Variants in OSBP2 observed in about 807,000 individuals in gnomAD.
OSBP2 encodes oxysterol-binding protein 2.
Under a neutral mutation model 96.0 loss-of-function variants are expected in OSBP2, and 66 were observed. The observed-to-expected ratio is 0.69, with a 90% CI of 0.56 to 0.84. The LOEUF is 0.84. Ranked by LOEUF, OSBP2 falls within the 40% of genes least tolerant of loss-of-function variation. OSBP2 has a pLI of 0.00. For missense variants in OSBP2, 1,038 were observed against 1,222.7 expected (o/e 0.85, Z 2.25); for synonymous variants, 525 against 520.9 (o/e 1.01, Z -0.11).
chr22:30,844,230 A>G (rs1029235810), intron 2 of OSBP2, among the ~76,000 whole-genome samples: 3 of 152,142 alleles, frequency 2.0e-5, no homozygotes, highest in Non-Finnish European at 2.9e-5. Context: ...AATGAATATT[A>G]GCTTCAACTT....
chr22:30,887,489 T>C lies in OSBP2; in HGVS notation c.1171T>C (p.Tyr391His). The C allele has an allele frequency of 6.8e-6, 11 of 1,613,770 alleles. No individual in the cohort carries two copies. The highest frequency in any genetic ancestry group is 9.3e-6 in the Non-Finnish European group (11 of 1,180,008). The change falls in exon 4 of 14, where the codon TAT (tyrosine) becomes CAT (histidine). Residue 391 changes from tyrosine to histidine, a missense_variant. By Grantham distance (83) the Tyr-to-His change is moderately conservative (BLOSUM62 2). Transcript: ENST00000332585. The stretch of plus-strand genomic sequence containing the variant: ...TCGGAAATGGCAGCGGGCACTGCAG[T>C]ATGAGCAGGAGCAGCGCGTGCACTT... ...HSRKWQRALQ[Y>H]EQEQRVHLEE...
At chr22:30,784,019 G>A (rs1423549328) in intron 2 of OSBP2, among the ~76,000 whole-genome samples, 1 of 152,150 alleles carries the variant, frequency 6.6e-6, no homozygotes, top group Non-Finnish European at 1.5e-5. Context: ...AGCAGGGATG[G>A]CATCTTTACG....
At chr22:30,792,401 T>G (rs1275697798) in intron 2 of OSBP2, among the ~76,000 whole-genome samples, 2 of 152,222 alleles carry the variant, frequency 1.3e-5, no homozygotes, top group East Asian at 3.8e-4. Context: ...ATCCACCATC[T>G]GCAGTATTGT....
At chr22:30,902,196 C>T in intron 12 of OSBP2, 1 of 1,132,694 alleles carries the variant, frequency 8.8e-7, no homozygotes, top group African/African-American at 1.6e-5. Flanking sequence ...TTCCCGTAGC[C>T]AGAAGGAGTC....
chr22:30,720,603 G>A (rs2089532677), intron 1 of OSBP2, among the ~76,000 whole-genome samples: 1 of 152,128 alleles, frequency 6.6e-6, no homozygotes, highest in Non-Finnish European at 1.5e-5. Context: ...AGTGTGGGAG[G>A]AAAACACTAC....
intron 1 of OSBP2, among the ~76,000 whole-genome samples, chr22:30,725,936 C>T (rs866888988): frequency 2.6e-5 from 4 of 151,912 alleles, no homozygotes; most frequent in Admixed American, 6.6e-5. Flanking sequence ...TGCACCACCA[C>T]GCCTGGCTGA....
chr22:30,889,102 T>G (rs2147153855), intron 5 of OSBP2, 75 bp from the exon 6 acceptor site: 3 of 1,320,350 alleles, frequency 2.3e-6, no homozygotes, highest in East Asian at 4.6e-5. Flanking sequence ...TGATGTTGTC[T>G]GGAGAGAGGA....
At position 30,890,389 on chromosome 22, in the gene OSBP2, A is replaced by G. The variant is rs2039918616; in HGVS notation, c.1624-339A>G. ...CACAGACTCATGTGCCCATTCAGTC[A>G]CTGCTTCCTAAGATTCTGCACTCAA... On this transcript the variant is annotated intron_variant, in intron 7 of 13. Coordinates refer to ENST00000332585, the MANE Select transcript of OSBP2 (RefSeq NM_030758.4). This position sits in a 1 kb window ranked among gnomAD's most constrained non-coding sequence, Gnocchi z 4.4. 6.6e-6 allele frequency among the ~76,000 whole-genome samples: 1 copy of G among 152,166 alleles called. No individual in the cohort carries two copies. Among genetic ancestry groups the G allele is most frequent in the South Asian group, 2.1e-4 (1 of 4,820 alleles).
intron 2 of OSBP2, among the ~76,000 whole-genome samples, chr22:30,775,164 G>A (rs530136901): frequency 3.5e-4 from 54 of 152,154 alleles, no homozygotes; most frequent in African/African-American, 1.3e-3. Flanking sequence ...TCACTCCAAA[G>A]GAAACCCTGC....
chr22:30,790,409 A>G (rs2090657337), intron 2 of OSBP2, among the ~76,000 whole-genome samples: 1 of 152,028 alleles, frequency 6.6e-6, no homozygotes, highest in Non-Finnish European at 1.5e-5. Context: ...ATGATCCGTG[A>G]TGGATTTGGA....
At chr22:30,771,696 TTGCAACATGAGATCCATCCACCGCAGA>T in intron 2 of OSBP2, among the ~76,000 whole-genome samples, 1 of 152,222 alleles carries the variant, frequency 6.6e-6, no homozygotes, top group Non-Finnish European at 1.5e-5. Flanking sequence ...GGATATCTGT[TTGCAACATGAGATCCATCCACCGCAGA>T]TGATTTGAAA....
At chr22:30,796,900 T>TA in intron 2 of OSBP2, among the ~76,000 whole-genome samples, 1 of 152,350 alleles carries the variant, frequency 6.6e-6, no homozygotes, top group East Asian at 1.9e-4. Context: ...TTAAATATAT[T>TA]AGTGTTGTTG....
chr22:30,826,694 T>A (rs910155958), intron 2 of OSBP2, among the ~76,000 whole-genome samples: 2 of 152,184 alleles, frequency 1.3e-5, no homozygotes, highest in Non-Finnish European at 2.9e-5. Context: ...TTTGTCTAAC[T>A]GGTGTTTGGA....
chr22:30,859,074 C>A (rs1326853612), intron 2 of OSBP2, among the ~76,000 whole-genome samples: 2 of 152,144 alleles, frequency 1.3e-5, no homozygotes, highest in East Asian at 3.9e-4. Flanking sequence ...AACCCTTTCC[C>A]CGCCAGGGCC....
chr22:30,834,794 G>A (rs2038597705), intron 2 of OSBP2, among the ~76,000 whole-genome samples: 1 of 150,750 alleles, frequency 6.6e-6, no homozygotes, highest in Non-Finnish European at 1.5e-5. Context: ...TCTATGGATT[G>A]TCTTTTCTTT....
intron 2 of OSBP2, among the ~76,000 whole-genome samples, chr22:30,810,744 T>G (rs2090995469): frequency 6.6e-6 from 1 of 152,196 alleles, no homozygotes; most frequent in Admixed American, 6.5e-5. Context: ...GTGCGCCAAA[T>G]GATCCAGCCC....
At chr22:30,841,516 A>T (rs2038752979) in intron 2 of OSBP2, among the ~76,000 whole-genome samples, 1 of 152,224 alleles carries the variant, frequency 6.6e-6, no homozygotes, top group Non-Finnish European at 1.5e-5. Flanking sequence ...TGTACTGTTG[A>T]GTAAGATTCC....
chr22:30,902,382 T>G, intron 12 of OSBP2: 2 of 1,573,342 alleles, frequency 1.3e-6, no homozygotes, highest in South Asian at 2.2e-5. Context: ...GTGGATTCCC[T>G]TAAGGAAGCT....
intron 2 of OSBP2, among the ~76,000 whole-genome samples, chr22:30,842,001 AG>A (rs1347215409): frequency 6.6e-6 from 1 of 152,142 alleles, no homozygotes; most frequent in South Asian, 2.1e-4. Context: ...GCTGGAGTGC[AG>A]TGGAGAGGTC....
Sources: allele counts gnomAD v4.1 joint callset (sites outside exome capture counted in the v4.1 genomes callset), GRCh38; gene constraint gnomAD v4.1.1; non-coding constraint Gnocchi (gnomAD v3.1); transcripts MANE v1.5; gene names NCBI Gene and HGNC (gene_info 2026-07-23, HGNC 2026-07-21).